Variants in MIA2 observed in about 807,000 individuals in gnomAD.
MIA2 encodes the protein melanoma inhibitory activity protein 2.
A neutral mutation model predicts 167.8 loss-of-function variants in MIA2; 127 were observed. The observed-to-expected ratio is 0.76, with a 90% CI of 0.66 to 0.88. The LOEUF (loss-of-function observed/expected upper bound fraction) is 0.88, where lower values mean the gene tolerates loss of function less well. Among genes scored for constraint, MIA2 ranks in the 40% least tolerant of loss-of-function variants. The pLI is 0.00. For synonymous variants in MIA2, 552 were observed against 541.9 expected (o/e 1.02, Z -0.26); for missense variants, 1,690 against 1,624.7 (o/e 1.04, Z -0.69).
chr14:39,285,012 A>G (rs145297131), intron 9 of MIA2, among the ~76,000 whole-genome samples: 1 of 152,290 alleles, frequency 6.6e-6, no homozygotes, highest in Non-Finnish European at 1.5e-5. Context: ...ACCGCCCTTA[A>G]TCCATTGTTA....
At chr14:39,322,034 C>T (rs1208754866) in intron 24 of MIA2, among the ~76,000 whole-genome samples, 1 of 152,008 alleles carries the variant, frequency 6.6e-6, no homozygotes, top group Non-Finnish European at 1.5e-5. Context: ...GCCTCAGCCT[C>T]CCAAAGTGCT....
chr14:39,326,314 T>C (rs766347589), intron 24 of MIA2, among the ~76,000 whole-genome samples: 17 of 152,192 alleles, frequency 1.1e-4, no homozygotes, highest in Non-Finnish European at 2.1e-4. Context: ...TTAAAATCAT[T>C]TTGGGGCAGA....
At chr14:39,282,244 T>A (rs2059060175) in intron 9 of MIA2, among the ~76,000 whole-genome samples, 1 of 151,928 alleles carries the variant, frequency 6.6e-6, no homozygotes, top group Admixed American at 6.6e-5. Flanking sequence ...TCAGATAACT[T>A]TATGTATTTG....
At chr14:39,266,571 T>G in intron 6 of MIA2, 1 of 985,522 alleles carries the variant, frequency 1.0e-6, no homozygotes, top group Non-Finnish European at 1.2e-6. Flanking sequence ...GTGGGACAGG[T>G]TAAACTCTGA....
chr14:39,278,650 T>C (rs2058503177), intron 7 of MIA2, among the ~76,000 whole-genome samples: 1 of 152,224 alleles, frequency 6.6e-6, no homozygotes, highest in Non-Finnish European at 1.5e-5. Context: ...AGTTCAGATC[T>C]ATGGCCCTAT....
rs200198231 is a variant in MIA2, at chr14:39,381,839, TCAA to T, written c.2249-5033_2249-5031del. 2.3e-3 allele frequency among the ~76,000 whole-genome samples: 329 copies of T among 145,764 alleles called. 1 individual carries two copies. The highest frequency in any genetic ancestry group is 7.5e-3 in the African/African-American group (289 of 38,668). ...CAAAAACAAAAAAACCAGAAACAAATCAACAACAACAACAAGAACAATTAAACA... is the reference window on the plus strand; with the variant it reads ...CAAAAACAAAAAAACCAGAAACAAATCAACAACAACAAGAACAATTAAACA... On this transcript the variant is annotated intron_variant, in intron 23 of 23. Transcript: ENST00000341502.
intron 23 of MIA2, among the ~76,000 whole-genome samples, chr14:39,367,625 ACTTC>A: frequency 6.6e-6 from 1 of 152,118 alleles, no homozygotes; most frequent in Non-Finnish European, 1.5e-5. Flanking sequence ...TGGCTGCCAG[ACTTC>A]CTTCTCCTTC....
At position 39,360,461 on chromosome 14, in the gene MIA2, TTTTTG is replaced by T. The variant is rs939646792; in HGVS notation, c.2248+11488_2248+11492del. On this transcript the variant is annotated intron_variant, in intron 23 of 23. Transcript: ENST00000341502. ...CTTTGCCCATGTTTTAATGTTTTTTTTTTTGTTTGTTTGTTTTTGTTGTTGTTGTT... is the reference window on the plus strand; with the variant it reads ...CTTTGCCCATGTTTTAATGTTTTTTTTTTGTTTGTTTTTGTTGTTGTTGTT... 2.6e-4 allele frequency among the ~76,000 whole-genome samples: 40 copies of T among 151,382 alleles called. 1 individual carries two copies. Among genetic ancestry groups the T allele is most frequent in the African/African-American group, 9.7e-4 (40 of 41,052 alleles).
rs371016935 is a variant in MIA2 at position 39,347,682 on chromosome 14, G to A, written c.3779-31G>A. On this transcript the variant is annotated intron_variant, in intron 26 of 28. Transcript: ENST00000640607. Reference sequence around the variant, plus strand: ...CTCTAGGAATAAAGTGATAAATCATGTACTTTTCATGGTTTAACTTTTATG... The same window carrying A: ...CTCTAGGAATAAAGTGATAAATCATATACTTTTCATGGTTTAACTTTTATG... 32 of 1,604,864 alleles carry A rather than the reference G, an allele frequency of 2.0e-5. No homozygotes were observed. In the African/African-American group the frequency reaches 4.0e-4, roughly 20 times the overall value.
In MIA2 at chr14:39,293,313, G is replaced by A. The variant is rs765952244; in HGVS notation, c.2251G>A (p.Asp751Asn). The A allele has an allele frequency of 6.2e-7, 1 of 1,612,766 alleles. No individual in the cohort carries two copies. Among genetic ancestry groups the A allele is most frequent in the African/African-American group, 1.3e-5 (1 of 74,848 alleles). Residue 751 changes from aspartate to asparagine, a missense_variant, in exon 11 of 29, where the codon GAT becomes AAT. Coordinates refer to ENST00000640607, the MANE Select transcript of MIA2 (RefSeq NM_001329214.4). ...KLNRSNSELE[D>N]EILCLEKELK... is the part of the protein sequence containing the mutation. ...GAACAGGTCCAATTCTGAACTTGAG[G>A]ATGAAATACTCTGTCTAGAAAAAGA...
At chr14:39,361,217 A>G (rs1470201985) in intron 23 of MIA2, among the ~76,000 whole-genome samples, 1 of 152,160 alleles carries the variant, frequency 6.6e-6, no homozygotes, top group Non-Finnish European at 1.5e-5. Flanking sequence ...ATTGCATTGA[A>G]TTTATAGATT....
At chr14:39,243,562 G>A (rs1382165202) in intron 3 of MIA2, among the ~76,000 whole-genome samples, 2 of 152,134 alleles carry the variant, frequency 1.3e-5, no homozygotes, top group South Asian at 2.1e-4. Flanking sequence ...CGTGACACAC[G>A]AAACTTCAGA....
chr14:39,301,997 G>A (rs970480050), intron 14 of MIA2, 132 bp from the exon 15 acceptor site: 5 of 1,004,736 alleles, frequency 5.0e-6, no homozygotes, highest in Non-Finnish European at 7.1e-6. Flanking sequence ...TTAATAAGAG[G>A]TGGAAAATAA....
rs923356072 is a variant in MIA2 at position 39,326,989 on chromosome 14, G to A, written c.3622G>A (p.Asp1208Asn). The A allele has an allele frequency of 1.3e-5, 21 of 1,556,340 alleles. No individual in the cohort carries two copies. The Admixed American group carries it at 2.7e-4, about 20-fold the overall frequency. The part of the protein sequence containing the change: ...SDTGSLSPPW[D>N]QDRRMMFPPP... ...CACTGGGTCTCTGTCACCTCCATGG[G>A]ACCAGGACCGTAGGATGATGTTTCC... The change falls in exon 25 of 29, where the codon GAC (aspartate) becomes AAC (asparagine). Residue 1208 changes from aspartate (D) to asparagine (N), a missense_variant. By Grantham distance (23) the Asp-to-Asn change is conservative. Transcript: ENST00000640607.
intron 4 of MIA2, among the ~76,000 whole-genome samples, chr14:39,252,237 G>C (rs2054614081): frequency 6.6e-6 from 1 of 152,126 alleles, no homozygotes; most frequent in South Asian, 2.1e-4. Flanking sequence ...GGACCTTGCA[G>C]ATGTGATTAG....
chr14:39,369,491 G>C (rs2074891806), intron 23 of MIA2, among the ~76,000 whole-genome samples: 1 of 152,142 alleles, frequency 6.6e-6, no homozygotes, highest in South Asian at 2.1e-4. Context: ...ACATCTTCAG[G>C]TTCCATCAGG....
chr14:39,271,854 G>T (rs2057210048), intron 6 of MIA2, among the ~76,000 whole-genome samples: 1 of 151,978 alleles, frequency 6.6e-6, no homozygotes, highest in African/African-American at 2.4e-5. Flanking sequence ...GAGTGGAATA[G>T]AATTTATTAA....
rs35159773 is a variant in MIA2 at position 39,286,696 on chromosome 14, C to CTTTTTTTTTTTTTT, written c.2131-4321_2131-4308dup. Among the ~76,000 whole-genome samples, 3 of 142,690 alleles carry CTTTTTTTTTTTTTT rather than the reference C, an allele frequency of 2.1e-5. 1 individual carries two copies. The highest frequency in any genetic ancestry group is 3.0e-5 in the Non-Finnish European group (2 of 66,014). The allele number at this position is 142,690 out of a possible 152,430, so 93.6% of individuals were successfully genotyped here. On this transcript the variant is annotated intron_variant, in intron 9 of 28. Coordinates refer to ENST00000640607, the MANE Select transcript of MIA2 (RefSeq NM_001329214.4). ...TTATCCTTCTCTTCCTTCCTTCTTA[C>CTTTTTTTTTTTTTT]TTTTTTTTTTTTTTTGAGACAGGCT...
chr14:39,281,295 T>G (rs978267241), intron 9 of MIA2, among the ~76,000 whole-genome samples: 8 of 152,224 alleles, frequency 5.3e-5, no homozygotes, highest in Non-Finnish European at 8.8e-5. Flanking sequence ...TTGTTCTTTC[T>G]TTCTGGGACT....
Sources: gnomAD v4.1 joint callset for allele counts (sites outside exome capture counted in the v4.1 genomes callset) on GRCh38, gnomAD v4.1.1 for gene constraint, MANE v1.5 for transcripts, NCBI Gene and HGNC (gene_info 2026-07-23, HGNC 2026-07-21) for gene names.